The following PDE3B variants were observed in gnomAD, a reference collection of about 807,000 sequenced individuals.
The protein encoded by PDE3B is phosphodiesterase 3B.
PDE3B carries 66 observed loss-of-function variants against 116.8 expected under a neutral mutation model. The ratio of observed to expected loss-of-function variants is 0.56; its 90% confidence interval spans 0.46 to 0.69. PDE3B has a LOEUF of 0.69. Ranked by LOEUF, PDE3B falls within the 30% of genes least tolerant of loss-of-function variation. The pLI, the probability that PDE3B is intolerant of heterozygous loss-of-function variation, is 0.00. For synonymous variants in PDE3B, 595 were observed against 533.6 expected, an observed-to-expected ratio of 1.12 and a Z score of -1.59; for missense variants, 1,384 against 1,368.1, an observed-to-expected ratio of 1.01 and a Z score of -0.18.
Position 14,830,772 on chromosome 11 carries a change from A to G in PDE3B, c.1882A>G (p.Lys628Glu). ...TCAACAAGAAGAGGAAACAGAGAAG[A>G]AAGACAGCAGAAAATTATTTCAGGA... is the stretch of plus-strand genomic sequence containing the variant. ...ETQQEEETEK[K>E]DSRKLFQEGD... is the part of the protein sequence containing the mutation. The change falls in exon 8 of 16, where the codon AAA becomes GAA. Residue 628 changes from lysine (K) to glutamate (E), a missense_variant. Lys to Glu is a moderately conservative substitution (Grantham distance 56). Around this residue, in one of 2 missense-constraint regions of PDE3B, gnomAD observed 956 missense variants for 806.8 expected, o/e 1.18. Transcript: ENST00000282096. The G allele has an allele frequency of 1.9e-6, 3 of 1,546,318 alleles. No individual in the cohort carries two copies. The highest frequency in any genetic ancestry group is 2.6e-6 in the Non-Finnish European group (3 of 1,151,712).
At chr11:14,762,659 C>T (rs1366631218) in intron 1 of PDE3B, among the ~76,000 whole-genome samples, 1 of 152,060 alleles carries the variant, frequency 6.6e-6, no homozygotes, top group Non-Finnish European at 1.5e-5. Flanking sequence ...TCTACCTGGG[C>T]AAGAAAGGAA....
intron 12 of PDE3B, among the ~76,000 whole-genome samples, chr11:14,848,054 A>G (rs1338941685): frequency 3.3e-5 from 5 of 150,976 alleles, no homozygotes; most frequent in Non-Finnish European, 7.4e-5. Context: ...ATTTTAGACC[A>G]ATATCCTTGA....
chr11:14,818,902 A>T (rs1565151277), intron 6 of PDE3B, among the ~76,000 whole-genome samples: 1 of 152,130 alleles, frequency 6.6e-6, no homozygotes, highest in Non-Finnish European at 1.5e-5. Context: ...CTGCTTTACT[A>T]ATAGTAAGGG....
intron 1 of PDE3B, among the ~76,000 whole-genome samples, chr11:14,666,522 G>A (rs1360310266): frequency 5.8e-4 from 87 of 150,356 alleles, no homozygotes; most frequent in Non-Finnish European, 1.0e-3. Context: ...GAAAATTTTC[G>A]CAACCTACTC....
the PDE3B span, among the ~76,000 whole-genome samples, chr11:14,897,216 T>G: frequency 6.6e-6 from 1 of 152,232 alleles, no homozygotes; most frequent in Non-Finnish European, 1.5e-5. Context: ...TTTGGCTACA[T>G]TTCAAAAACA....
intron 1 of PDE3B, among the ~76,000 whole-genome samples, chr11:14,679,479 C>T (rs557623949): frequency 1.2e-4 from 19 of 152,154 alleles, no homozygotes; most frequent in Admixed American, 6.5e-4. Flanking sequence ...CGCCCTCCAC[C>T]GGTAACATAT....
chr11:14,888,258 A>G, the PDE3B span, among the ~76,000 whole-genome samples: 10 of 152,242 alleles, frequency 6.6e-5, no homozygotes, highest in African/African-American at 1.2e-4. Flanking sequence ...TATAAGCTAC[A>G]TAAGGGCAGG....
chr11:14,742,847 G>C (rs943645681), intron 1 of PDE3B, among the ~76,000 whole-genome samples: 1 of 152,074 alleles, frequency 6.6e-6, no homozygotes, highest in African/African-American at 2.4e-5. Flanking sequence ...GCTGGAGTTT[G>C]CTGGAGGTCC....
chr11:14,789,056 A>G lies in PDE3B; in HGVS notation c.1279-50A>G, dbSNP rs191630875. On this transcript the variant is annotated intron_variant, in intron 3 of 15. Coordinates refer to ENST00000282096, the MANE Select transcript of PDE3B (RefSeq NM_000922.4). ...ATGTGCCATCACTAATATTACATAT[A>G]TAGCATATTAAAGAGTGACATTTTA... 6.6e-6 allele frequency: 9 copies of G among 1,358,164 alleles called. No homozygotes were observed. The Admixed American group carries it at 1.2e-4, about 18-fold the overall frequency. 84.1% of individuals were successfully genotyped at this position (1,358,164 alleles called of 1,614,324 possible).
intron 11 of PDE3B, among the ~76,000 whole-genome samples, chr11:14,838,081 C>T (rs946689028): frequency 2.6e-5 from 4 of 151,882 alleles, no homozygotes; most frequent in East Asian, 1.9e-4. Context: ...TGGGTTCATG[C>T]GATTCTCCTG....
At chr11:14,772,812 T>C (rs1857683889) in intron 2 of PDE3B, 1 of 151,984 alleles carries the variant, frequency 6.6e-6, no homozygotes, top group Admixed American at 6.6e-5. Flanking sequence ...TTGATGTCTA[T>C]CTTTATTGAT....
the PDE3B span, among the ~76,000 whole-genome samples, chr11:14,889,191 C>A: frequency 6.9e-6 from 1 of 144,136 alleles, no homozygotes; most frequent in African/African-American, 2.5e-5. Flanking sequence ...TGTGAGCATA[C>A]ATCTCAAATT....
At chr11:14,869,098 G>GT (rs1276362835) in intron 15 of PDE3B, among the ~76,000 whole-genome samples, 3 of 152,032 alleles carry the variant, frequency 2.0e-5, no homozygotes, top group Non-Finnish European at 4.4e-5. Context: ...TTAAAGGTTG[G>GT]TTTTTAACTT....
the PDE3B span, chr11:14,877,561 G>A: frequency 6.6e-6 from 1 of 152,378 alleles, no homozygotes; most frequent in African/African-American, 2.4e-5. Context: ...TATGAAGACA[G>A]AGCAGGAAGC....
intron 4 of PDE3B, among the ~76,000 whole-genome samples, chr11:14,801,486 G>T (rs912517122): frequency 6.6e-6 from 1 of 152,214 alleles, no homozygotes; most frequent in Non-Finnish European, 1.5e-5. Context: ...AATCATTACT[G>T]CCTGTTCTTT....
At chr11:14,674,013 G>A in intron 1 of PDE3B, 1 of 1,425,650 alleles carries the variant, frequency 7.0e-7, no homozygotes, top group Non-Finnish European at 9.9e-7. Flanking sequence ...GAAGTTAAAA[G>A]AGCTGTTTTC....
intron 12 of PDE3B, among the ~76,000 whole-genome samples, chr11:14,848,792 G>A (rs1847671852): frequency 6.6e-6 from 1 of 152,142 alleles, no homozygotes; most frequent in African/African-American, 2.4e-5. Context: ...GGGATGTGAA[G>A]GACCTCTTCA....
intron 1 of PDE3B, among the ~76,000 whole-genome samples, chr11:14,715,687 A>G (rs1174293032): frequency 2.6e-5 from 4 of 152,202 alleles, no homozygotes; most frequent in African/African-American, 4.8e-5. Flanking sequence ...TAAATATACA[A>G]TCATGTTATC....
At chr11:14,665,272 A>G (rs907252952) in intron 1 of PDE3B, among the ~76,000 whole-genome samples, 5 of 152,312 alleles carry the variant, frequency 3.3e-5, no homozygotes, top group Admixed American at 2.6e-4. Context: ...ATATCTCAAA[A>G]TAATAAGAGC....
Sources: allele counts gnomAD v4.1 joint callset (sites outside exome capture counted in the v4.1 genomes callset), GRCh38; gene constraint gnomAD v4.1.1; regional missense constraint gnomAD v4.1.1; transcripts MANE v1.5; gene names NCBI Gene and HGNC (gene_info 2026-07-23, HGNC 2026-07-21).